Variants in STAC observed in about 807,000 individuals in gnomAD.
STAC encodes the protein SH3 and cysteine rich domain, also known as SH3 and cysteine-rich domain-containing protein.
STAC carries 43 observed loss-of-function variants against 48.8 expected under a neutral mutation model. The ratio of observed to expected loss-of-function variants is 0.88; its 90% confidence interval spans 0.69 to 1.14. The LOEUF (loss-of-function observed/expected upper bound fraction) is 1.14, where lower values mean the gene tolerates loss of function less well. Ranked by LOEUF, STAC falls within the 50% of genes most tolerant of loss-of-function variation. STAC has a pLI of 0.00. For missense variants in STAC, 497 were observed against 504.0 expected (o/e 0.99, Z 0.13); for synonymous variants, 193 against 179.5 (o/e 1.07, Z -0.60).
At chr3:36,386,515 T>C (rs1699620185) in intron 1 of STAC, among the ~76,000 whole-genome samples, 1 of 152,066 alleles carries the variant, frequency 6.6e-6, no homozygotes, top group African/African-American at 2.4e-5. Context: ...GTACTGCTTA[T>C]GAAATCTTTG....
At chr3:36,459,358 T>C (rs557387509) in intron 2 of STAC, 52 of 152,292 alleles carry the variant, frequency 3.4e-4, no homozygotes, top group African/African-American at 1.2e-3. Context: ...GAAAGTTCCA[T>C]GAAGAATGTA....
intron 2 of STAC, among the ~76,000 whole-genome samples, chr3:36,458,197 C>A (rs1273126542): frequency 6.6e-6 from 1 of 152,000 alleles, no homozygotes. Flanking sequence ...AACTTGGAAA[C>A]CATCTTGTTC....
chr3:36,483,654 G>T (rs1697717677), intron 3 of STAC, among the ~76,000 whole-genome samples: 1 of 152,174 alleles, frequency 6.6e-6, no homozygotes, highest in Non-Finnish European at 1.5e-5. Flanking sequence ...GCCACATATT[G>T]ATTAAGAGGC....
At chr3:36,454,490 C>T (rs201316546) in intron 2 of STAC, among the ~76,000 whole-genome samples, 2 of 152,100 alleles carry the variant, frequency 1.3e-5, no homozygotes, top group African/African-American at 4.8e-5. Context: ...ACACTCACCG[C>T]GAGGGTCCGA....
In STAC at chr3:36,516,257, C is replaced by T. The variant is rs376478212; in HGVS notation, c.920+10423C>T. On this transcript the variant is annotated intron_variant, in intron 8 of 10. Coordinates refer to ENST00000273183, the MANE Select transcript of STAC (RefSeq NM_003149.3). The stretch of plus-strand genomic sequence containing the variant: ...TCAGCCTCCTAAAGTGCTGGTATTA[C>T]AGGCGCGAACCACCGTGCCCAGCCC... 3.9e-5 allele frequency among the ~76,000 whole-genome samples: 6 copies of T among 151,984 alleles called. No homozygotes were observed. The East Asian group carries it at 7.7e-4, about 20-fold the overall frequency.
chr3:36,444,755 A>G (rs1178994158), intron 2 of STAC, among the ~76,000 whole-genome samples: 1 of 152,218 alleles, frequency 6.6e-6, no homozygotes, highest in African/African-American at 2.4e-5. Flanking sequence ...GTAATCTACC[A>G]TTTAGGATGC....
intron 2 of STAC, among the ~76,000 whole-genome samples, chr3:36,462,298 A>G (rs1240129741): frequency 6.6e-6 from 1 of 151,916 alleles, no homozygotes; most frequent in Non-Finnish European, 1.5e-5. Flanking sequence ...CATTGGGGGA[A>G]AATTCAGTGT....
At chr3:36,483,191 G>C in intron 3 of STAC, 99 bp downstream of exon 3, 6 of 879,780 alleles carry the variant, frequency 6.8e-6, no homozygotes, top group Non-Finnish European at 1.1e-5. Flanking sequence ...CTGAAACCCT[G>C]AGCAAAGCAC....
chr3:36,493,161 T>C lies in STAC; in HGVS notation c.698T>C (p.Leu233Pro), dbSNP rs753493903. 1.2e-6 allele frequency: 2 copies of C among 1,613,088 alleles called. No homozygotes were observed. The highest frequency in any genetic ancestry group is 2.2e-5 in the East Asian group (1 of 44,846). The part of the protein sequence containing the change: ...DSPHRTSTSD[L>P]VEVPEEANGP... ...CTTCTTTCCTCCAAGACTTCAGATCTTGTGGAGGTTCCTGAGGAAGCCAAT... is the reference window on the plus strand; with the variant it reads ...CTTCTTTCCTCCAAGACTTCAGATCCTGTGGAGGTTCCTGAGGAAGCCAAT... The change falls in exon 6 of 11, where the codon CTT becomes CCT. Residue 233 changes from leucine to proline, a missense_variant. Leu to Pro is a moderately conservative substitution (Grantham distance 98). Transcript: ENST00000273183.
At chr3:36,402,786 G>T (rs1575177225) in intron 1 of STAC, among the ~76,000 whole-genome samples, 1 of 152,146 alleles carries the variant, frequency 6.6e-6, no homozygotes, top group Admixed American at 6.6e-5. Context: ...CATCCTGCCT[G>T]CTTGATCCCA....
At chr3:36,536,124 T>C (rs1458397731) in intron 10 of STAC, among the ~76,000 whole-genome samples, 2 of 152,180 alleles carry the variant, frequency 1.3e-5, no homozygotes, top group Non-Finnish European at 2.9e-5. Context: ...GGTAGGCTAT[T>C]TGTTACTGCC....
At chr3:36,526,256 CT>C (rs370791073) in intron 8 of STAC, among the ~76,000 whole-genome samples, 291 of 152,256 alleles carry the variant, frequency 1.9e-3, no homozygotes, top group African/African-American at 6.5e-3. Flanking sequence ...TTCACCCCCC[CT>C]CCCCATATTC....
intron 2 of STAC, among the ~76,000 whole-genome samples, chr3:36,475,112 T>C (rs1416653912): frequency 6.6e-6 from 1 of 152,172 alleles, no homozygotes; most frequent in Admixed American, 6.5e-5. Context: ...AATTACCCTT[T>C]GTCTATATGA....
intron 5 of STAC, 112 bp from the exon 6 acceptor site, chr3:36,493,039 G>C: frequency 3.2e-6 from 3 of 943,894 alleles, no homozygotes; most frequent in Non-Finnish European, 4.8e-6. Flanking sequence ...GCAATCACTG[G>C]GTCCTTATGT....
At chr3:36,536,499 G>A (rs1035127864) in intron 10 of STAC, among the ~76,000 whole-genome samples, 6 of 152,120 alleles carry the variant, frequency 3.9e-5, no homozygotes, top group African/African-American at 1.4e-4. Context: ...ATGGGGAAAG[G>A]AGTCCCTATT....
intron 1 of STAC, among the ~76,000 whole-genome samples, chr3:36,442,991 C>T (rs994780247): frequency 6.6e-6 from 1 of 152,138 alleles, no homozygotes; most frequent in Admixed American, 6.5e-5. Flanking sequence ...AGCCTTTGAG[C>T]CCATGAGTTT....
At chr3:36,414,461 T>C (rs547562524) in intron 1 of STAC, among the ~76,000 whole-genome samples, 1 of 152,250 alleles carries the variant, frequency 6.6e-6, no homozygotes, top group African/African-American at 2.4e-5. Flanking sequence ...TTCCAGTTGA[T>C]CGAATGGGCT....
intron 2 of STAC, among the ~76,000 whole-genome samples, chr3:36,450,714 T>C (rs1412319486): frequency 2.0e-5 from 3 of 152,096 alleles, no homozygotes; most frequent in Non-Finnish European, 4.4e-5. Context: ...TTAGTAGAGA[T>C]GGGTTTCACC....
intron 1 of STAC, among the ~76,000 whole-genome samples, chr3:36,412,947 A>C (rs891653845): frequency 3.9e-5 from 6 of 152,214 alleles, no homozygotes; most frequent in Non-Finnish European, 7.3e-5. Context: ...GTAGTCATTC[A>C]GGAGCAGGTT....
Sources: gnomAD v4.1 joint callset for allele counts (sites outside exome capture counted in the v4.1 genomes callset) on GRCh38, gnomAD v4.1.1 for gene constraint, MANE v1.5 for transcripts, NCBI Gene and HGNC (gene_info 2026-07-23, HGNC 2026-07-21) for gene names.